RBBP8: variants seen among roughly 807,000 people sequenced by gnomAD.
RBBP8 encodes the protein DNA endonuclease RBBP8.
A neutral mutation model predicts 108.3 loss-of-function variants in RBBP8; 88 were observed. That is an observed-to-expected ratio of 0.81 (90% CI 0.68 to 0.97). RBBP8 has a LOEUF of 0.97. Ranked by LOEUF, RBBP8 falls within the 50% of genes least tolerant of loss-of-function variation. The pLI is 0.00. For synonymous variants in RBBP8, 332 were observed against 348.2 expected (o/e 0.95, Z 0.52); for missense variants, 1,023 against 1,049.0 (o/e 0.98, Z 0.34).
chr18:22,978,154 T>C (rs572240477), intron 6 of RBBP8, among the ~76,000 whole-genome samples: 1 of 152,178 alleles, frequency 6.6e-6, no homozygotes, highest in African/African-American at 2.4e-5. Context: ...AAAAGCTGAA[T>C]ATTTAAAACT....
chr18:22,978,329 ATTAAT>A (rs1405318588), intron 6 of RBBP8, among the ~76,000 whole-genome samples: 7 of 152,240 alleles, frequency 4.6e-5, no homozygotes, highest in Non-Finnish European at 1.0e-4. Flanking sequence ...AGTGTGCATA[ATTAAT>A]TTAACCAAAA....
In RBBP8 at chr18:22,993,629, A is replaced by G; in HGVS notation, c.1802A>G (p.Asp601Gly). 2 of 1,614,272 alleles carry G rather than the reference A, an allele frequency of 1.2e-6. No individual in the cohort carries two copies. Among genetic ancestry groups the G allele is most frequent in the Non-Finnish European group, 1.7e-6 (2 of 1,180,044 alleles). ...AGTTTGGAGACTGAGAATGTTTTAG[A>G]TGACATAAAGGTTTGTGTTAAATGT... is the stretch of plus-strand genomic sequence containing the variant. ...RESLETENVL[D>G]DIKSAGSHEP... The change falls in exon 11 of 19, where the codon GAT becomes GGT. Residue 601 changes from aspartate to glycine, a missense_variant. Coordinates refer to ENST00000327155, the MANE Select transcript of RBBP8 (RefSeq NM_002894.3).
In RBBP8 at chr18:22,915,430, T is replaced by G. The variant is rs73964386; in HGVS notation, c.-295T>G. 1.5e-3 allele frequency: 235 copies of G among 152,318 alleles called. 1 individual carries two copies. Among genetic ancestry groups the G allele is most frequent in the African/African-American group, 5.4e-3 (224 of 41,590 alleles). 9.4% of individuals were successfully genotyped at this position (152,318 alleles called of 1,614,324 possible). ...TTTCATTTTTTGCAGGGAAAACCCTTGGATGCTTCATAGTCCTACTTCTAG... is the reference window on the plus strand; with the variant it reads ...TTTCATTTTTTGCAGGGAAAACCCTGGGATGCTTCATAGTCCTACTTCTAG... On this transcript the variant is annotated 5_prime_UTR_variant, in exon 2 of 5. Coordinates refer to the RBBP8 transcript ENST00000577588.
chr18:22,978,220 A>G (rs1914628995), intron 6 of RBBP8, among the ~76,000 whole-genome samples: 1 of 152,220 alleles, frequency 6.6e-6, no homozygotes, highest in Non-Finnish European at 1.5e-5. Context: ...TCTTTAGGGA[A>G]GAAACCAACT....
chr18:23,001,850 T>C (rs2045954407), intron 15 of RBBP8, 121 bp downstream of exon 15: 1 of 1,350,902 alleles, frequency 7.4e-7, no homozygotes, highest in Non-Finnish European at 1.0e-6. Context: ...ATTTCTTGTA[T>C]AAATTTTTTC....
intron 1 of RBBP8, chr18:22,915,332 G>A (rs1278525107): frequency 6.6e-6 from 1 of 151,956 alleles, no homozygotes; most frequent in Non-Finnish European, 1.5e-5. Context: ...CTAACTCAAA[G>A]GCTATAATAT....
chr18:22,941,423 C>T (rs1423442041), intron 2 of RBBP8, among the ~76,000 whole-genome samples: 4 of 151,930 alleles, frequency 2.6e-5, no homozygotes, highest in Admixed American at 6.6e-5. Context: ...CCGCCCATCT[C>T]GGCCTCCCAA....
chr18:22,954,850 C>T (rs921943608), intron 4 of RBBP8, among the ~76,000 whole-genome samples: 10 of 152,084 alleles, frequency 6.6e-5, no homozygotes, highest in Non-Finnish European at 1.3e-4. Context: ...GGAAAAGCCC[C>T]TTATGAAACC....
chr18:22,924,514 T>C (rs928071580), intron 3 of RBBP8, among the ~76,000 whole-genome samples: 2 of 151,462 alleles, frequency 1.3e-5, no homozygotes, highest in Non-Finnish European at 2.9e-5. Flanking sequence ...CTCGTCTTCC[T>C]AGGCTCAAGA....
chr18:22,994,208 A>G (rs2098591700), intron 12 of RBBP8, among the ~76,000 whole-genome samples: 2 of 148,012 alleles, frequency 1.4e-5, no homozygotes, highest in Admixed American at 6.7e-5. Flanking sequence ...TATTTTTAGT[A>G]GAGACGGGGT....
At chr18:22,993,996 A>G in intron 12 of RBBP8, 149 bp downstream of exon 12, 1 of 530,436 alleles carries the variant, frequency 1.9e-6, no homozygotes, top group Non-Finnish European at 3.0e-6. Context: ...CTCACATTTT[A>G]CCGGTGATTT....
At chr18:22,969,467 C>T (rs189018388) in intron 5 of RBBP8, among the ~76,000 whole-genome samples, 55 of 152,146 alleles carry the variant, frequency 3.6e-4, no homozygotes, top group African/African-American at 1.2e-3. Context: ...TGACCATTAC[C>T]TGGATTTCCC....
intron 16 of RBBP8, among the ~76,000 whole-genome samples, chr18:23,015,006 C>G (rs552771983): frequency 3.3e-5 from 5 of 152,278 alleles, no homozygotes; most frequent in African/African-American, 1.2e-4. Flanking sequence ...TCACCTCAGC[C>G]TCCTGAGTAC....
chr18:22,923,580 C>T (rs944316756), intron 3 of RBBP8, among the ~76,000 whole-genome samples: 9 of 152,180 alleles, frequency 5.9e-5, no homozygotes, highest in Non-Finnish European at 1.3e-4. Context: ...GGAAATAAGA[C>T]TTGTCTAGGA....
Position 22,982,381 on chromosome 18 carries a change from G to C in RBBP8, c.592G>C (p.Val198Leu), listed in dbSNP as rs781525750. The part of the protein sequence containing the change: ...EQTHTKLEHS[V>L]CANEMRKVSK... ...AACACATACTAAATTGGAGCACTCT[G>C]TGTGTGCAAATGGTAAGAGTTGGAG... The change falls in exon 7 of 19, where the codon GTG (valine) becomes CTG (leucine). Residue 198 changes from valine (V) to leucine (L), a missense_variant. Transcript: ENST00000327155. 1 of 1,613,952 alleles carries C rather than the reference G, an allele frequency of 6.2e-7. No individual in the cohort carries two copies. Among genetic ancestry groups the C allele is most frequent in the Non-Finnish European group, 8.5e-7 (1 of 1,179,992 alleles).
At chr18:23,008,995 G>A (rs560750768) in intron 16 of RBBP8, among the ~76,000 whole-genome samples, 5 of 151,992 alleles carry the variant, frequency 3.3e-5, no homozygotes, top group East Asian at 1.9e-4. Context: ...GGATGGTCTC[G>A]ATCTCCTGAC....
Position 22,993,117 on chromosome 18 carries a change from T to A in RBBP8, c.1290T>A (p.Thr430=), listed in dbSNP as rs74565999. Residue 430 remains threonine (T), a synonymous_variant, in exon 11 of 19, where the codon ACT becomes ACA. Transcript: ENST00000327155. ...CTGAGTACGGTAAAGATTCTAACAC[T>A]GATAAACATTTGGAGCCCCTGAAAT... ...NRTEYGKDSN[T]DKHLEPLKSL... is the part of the protein sequence containing the mutation. 2.3e-4 allele frequency: 368 copies of A among 1,614,066 alleles called. 4 individuals carry two copies. In the East Asian group the frequency reaches 7.3e-3, roughly 32 times the overall value.
At chr18:22,916,210 T>G (rs1909349158) in intron 2 of RBBP8, among the ~76,000 whole-genome samples, 1 of 152,108 alleles carries the variant, frequency 6.6e-6, no homozygotes, top group African/African-American at 2.4e-5. Context: ...CTGCACAATT[T>G]CGCATAACTC....
chr18:22,984,470 G>A lies in RBBP8; in HGVS notation c.605-416G>A, dbSNP rs73966419. On this transcript the variant is annotated intron_variant, in intron 7 of 18. Transcript: ENST00000327155. ...GTGATCTGTAGCTTACTACAGCCTG[G>A]AACTTTTAGGCTCAAGAGATCCTCC... is the stretch of plus-strand genomic sequence containing the variant. 1.5e-3 allele frequency among the ~76,000 whole-genome samples: 234 copies of A among 152,232 alleles called. 1 individual carries two copies. Among genetic ancestry groups the A allele is most frequent in the African/African-American group, 5.4e-3 (223 of 41,542 alleles).
Sources: allele counts gnomAD v4.1 joint callset (sites outside exome capture counted in the v4.1 genomes callset), GRCh38; gene constraint gnomAD v4.1.1; transcripts MANE v1.5; gene names NCBI Gene and HGNC (gene_info 2026-07-23, HGNC 2026-07-21).